NAA38: variants seen among roughly 807,000 people sequenced by gnomAD.
NAA38 encodes the protein N-alpha-acetyltransferase 38, NatC auxiliary subunit.
In NAA38, 15 loss-of-function variants were observed where a neutral mutation model predicts 12.6. That is an observed-to-expected ratio of 1.19 (90% CI 0.79 to 1.83). NAA38 has a LOEUF of 1.83. Among genes scored for constraint, NAA38 ranks in the 40% most tolerant of loss-of-function variants. NAA38 has a pLI of 0.00. For missense variants in NAA38, 183 were observed against 171.7 expected (o/e 1.07, Z -0.37); for synonymous variants, 88 against 69.9 (o/e 1.26, Z -1.29).
intron 2 of NAA38, among the ~76,000 whole-genome samples, chr17:7,871,656 A>G (rs1967087903): frequency 1.3e-5 from 2 of 152,102 alleles, no homozygotes; most frequent in African/African-American, 4.8e-5. Context: ...GGCCAGGTCT[A>G]AAACGTTCTT....
At chr17:7,861,229 C>A (rs936459607), upstream of NAA38, 2 of 152,004 alleles carry the variant, frequency 1.3e-5, no homozygotes, top group South Asian at 4.1e-4. Context: ...ACACCAGGGC[C>A]CAGCACAGGA....
chr17:7,872,400 C>T (rs910401498), intron 2 of NAA38, among the ~76,000 whole-genome samples: 4 of 152,178 alleles, frequency 2.6e-5, no homozygotes, highest in South Asian at 4.1e-4. Context: ...GAGACGGAGT[C>T]GCTCTGTTGC....
At chr17:7,866,236 G>A (rs1338551505) in intron 3 of NAA38, among the ~76,000 whole-genome samples, 4 of 143,682 alleles carry the variant, frequency 2.8e-5, no homozygotes, top group South Asian at 2.2e-4. Flanking sequence ...ACAGATGCCC[G>A]CCACCAAGCC....
intron 3 of NAA38, chr17:7,865,459 CA>C (rs1281514017): frequency 6.6e-6 from 1 of 152,208 alleles, no homozygotes; most frequent in East Asian, 1.9e-4. Flanking sequence ...CTTCTACTCC[CA>C]AAGGGGTGGA....
chr17:7,872,483 C>T (rs904341587), intron 2 of NAA38, among the ~76,000 whole-genome samples: 3 of 152,198 alleles, frequency 2.0e-5, no homozygotes, highest in Non-Finnish European at 1.5e-5. Context: ...CTGCCTTAGC[C>T]TCCTGAGTAG....
In NAA38 at chr17:7,857,444, G is replaced by T. The variant is rs1157305506; in HGVS notation, c.20C>A (p.Thr7Asn). 5.7e-6 allele frequency: 9 copies of T among 1,577,034 alleles called. No homozygotes were observed. Among genetic ancestry groups the T allele is most frequent in the Non-Finnish European group, 7.7e-6 (9 of 1,162,592 alleles). MAGAGP[T>N]MLLREENGCC... ...GCCATTCTCTTCTCGTAGCAGCATG[G>T]TCGGTCCAGCTCCGGCCATTTGCCC... The change falls in exon 1 of 3, where the codon ACC (threonine) becomes AAC (asparagine). Residue 7 changes from threonine (T) to asparagine (N), a missense_variant. Coordinates refer to ENST00000575771, the MANE Select transcript of NAA38 (RefSeq NM_001320925.4).
At chr17:7,858,521 G>T (rs368682739), upstream of NAA38, 3 of 1,613,996 alleles carry the variant, frequency 1.9e-6, no homozygotes, top group Non-Finnish European at 2.5e-6. Context: ...AGAGGAAATG[G>T]AGAGCGGGGA....
intron 2 of NAA38, among the ~76,000 whole-genome samples, chr17:7,874,882 T>C (rs1967146640): frequency 1.4e-5 from 1 of 70,758 alleles, no homozygotes; most frequent in Admixed American, 2.2e-4. Flanking sequence ...CAAAACTCCA[T>C]CTCAAAAAAA....
At chr17:7,868,295 A>C (rs747535077) in intron 2 of NAA38, among the ~76,000 whole-genome samples, 1 of 152,190 alleles carries the variant, frequency 6.6e-6, no homozygotes, top group Non-Finnish European at 1.5e-5. Flanking sequence ...CCAACAGTAT[A>C]AAGTGCTGCA....
chr17:7,858,836 T>C (rs748401063), upstream of NAA38: 27 of 1,523,948 alleles, frequency 1.8e-5, 1 homozygote, highest in South Asian at 3.5e-4. Context: ...TGAGAACTGG[T>C]GACAAGGAGC....
upstream of NAA38, chr17:7,858,119 C>T: frequency 6.2e-7 from 1 of 1,612,736 alleles, no homozygotes; most frequent in Non-Finnish European, 8.5e-7. Flanking sequence ...ATCCAGTGAC[C>T]GACAGAGCAA....
intron 2 of NAA38, among the ~76,000 whole-genome samples, chr17:7,873,415 G>A (rs1967120462): frequency 1.3e-5 from 2 of 152,208 alleles, no homozygotes; most frequent in African/African-American, 4.8e-5. Context: ...TTTGGTGAAA[G>A]CAGCTGTGGT....
chr17:7,857,699 G>A (rs2078840155), upstream of NAA38: 1 of 1,309,848 alleles, frequency 7.6e-7, no homozygotes, highest in African/African-American at 1.5e-5. Flanking sequence ...CTTTACCTCT[G>A]GTTTCTTACA....
At chr17:7,858,834 G>A, upstream of NAA38, 2 of 1,524,230 alleles carry the variant, frequency 1.3e-6, no homozygotes, top group South Asian at 1.3e-5. Flanking sequence ...GGTGAGAACT[G>A]GTGACAAGGA....
At chr17:7,879,178 A>G (rs1382990172) in intron 2 of NAA38, among the ~76,000 whole-genome samples, 1 of 152,202 alleles carries the variant, frequency 6.6e-6, no homozygotes, top group Non-Finnish European at 1.5e-5. Flanking sequence ...GATTAGGTCT[A>G]GACTATCCTG....
At chr17:7,884,480 A>ATG (rs1967442792) in intron 1 of NAA38, among the ~76,000 whole-genome samples, 1 of 128,054 alleles carries the variant, frequency 7.8e-6, no homozygotes, top group Admixed American at 8.2e-5. Context: ...ATATATATGT[A>ATG]TATATATATA....
At chr17:7,883,144 A>G (rs1173257986) in intron 2 of NAA38, 1 of 152,180 alleles carries the variant, frequency 6.6e-6, no homozygotes, top group Non-Finnish European at 1.5e-5. Flanking sequence ...CAACTGTCCA[A>G]TTCCTGGTAC....
At chr17:7,863,294 G>A (rs1212868037) in intron 3 of NAA38, 1 of 152,190 alleles carries the variant, frequency 6.6e-6, no homozygotes, top group East Asian at 1.9e-4. Flanking sequence ...CAGAACATGA[G>A]TGTAGGGTCC....
chr17:7,859,455 C>A (rs746389728), upstream of NAA38: 2 of 1,613,870 alleles, frequency 1.2e-6, no homozygotes, highest in Non-Finnish European at 1.7e-6. Flanking sequence ...GCCAGCTACA[C>A]GTGGAAATAT....
Sources: gnomAD v4.1 joint callset for allele counts (sites outside exome capture counted in the v4.1 genomes callset) on GRCh38, gnomAD v4.1.1 for gene constraint, MANE v1.5 for transcripts, NCBI Gene and HGNC (gene_info 2026-07-23, HGNC 2026-07-21) for gene names.